Variants in DNHD1 observed in about 807,000 individuals in gnomAD.
DNHD1 encodes the protein dynein heavy chain domain-containing protein 1.
In DNHD1, 383 loss-of-function variants were observed where a neutral mutation model predicts 458.1. The ratio of observed to expected loss-of-function variants is 0.84; its 90% CI spans 0.77 to 0.91. The LOEUF is 0.91. Ranked by LOEUF, DNHD1 falls within the 40% of genes least tolerant of loss-of-function variation. The pLI is 0.00. For synonymous variants in DNHD1, 2,203 were observed against 2,376.9 expected, an observed-to-expected ratio of 0.93 and a Z score of 2.13; for missense variants, 5,336 against 5,866.1, an observed-to-expected ratio of 0.91 and a Z score of 2.95.
At position 6,565,901 on chromosome 11, in the gene DNHD1, G is replaced by A; in HGVS notation, c.10963G>A (p.Glu3655Lys). The A allele has an allele frequency of 2.6e-6, 4 of 1,551,680 alleles. No homozygotes were observed. The highest frequency in any genetic ancestry group is 3.5e-6 in the Non-Finnish European group (4 of 1,146,984). The part of the protein sequence containing the change: ...TESQGSKPAY[E>K]TQLPSLPYLS... ...GAGCCAGGGGTCAAAGCCAGCCTAT[G>A]AGACTCAGCTTCCATCCCTTCCCTA... The change falls in exon 33 of 43, where the codon GAG (glutamate) becomes AAG (lysine). Residue 3655 changes from glutamate to lysine, a missense_variant. Transcript: ENST00000254579.
At position 6,556,971 on chromosome 11, in the gene DNHD1, T is replaced by C. The variant is rs1260475678; in HGVS notation, c.7676T>C (p.Leu2559Pro). ...CCTTCTGTGGAACGGGAGCGTGCTC[T>C]GGCACGAGGTCTGGTTAGGGCCTCA... Reference protein sequence around the residue: ...RFPSVERERALARGLVRASVE... With the variant: ...RFPSVERERAPARGLVRASVE... Residue 2559 changes from leucine (L) to proline (P), a missense_variant, in exon 25 of 43, where the codon CTG (leucine) becomes CCG (proline). Around this residue, in one of 4 missense-constraint regions of DNHD1, gnomAD observed 3,932 missense variants for 4,365.6 expected, o/e 0.90. Transcript: ENST00000254579. The C allele has an allele frequency of 6.4e-7, 1 of 1,551,640 alleles. No individual in the cohort carries two copies. Among genetic ancestry groups the C allele is most frequent in the Non-Finnish European group, 8.7e-7 (1 of 1,147,014 alleles).
At position 6,570,027 on chromosome 11, in the gene DNHD1, C is replaced by A. The variant is rs1172650492; in HGVS notation, c.12882C>A (p.Thr4294=). Reference sequence around the variant, plus strand: ...TCTCTAGGAGTCAAGTGACTCTAACCCAGGTTCTTCAGACCCAAGACCAGC... The same window carrying A: ...TCTCTAGGAGTCAAGTGACTCTAACACAGGTTCTTCAGACCCAAGACCAGC... ...HRGRWSQVTL[T]QVLQTQDQLW... Residue 4294 remains threonine (T), a synonymous_variant, in exon 40 of 43, where the codon ACC becomes ACA. Coordinates refer to ENST00000254579, the MANE Select transcript of DNHD1 (RefSeq NM_144666.3). 1 of 1,613,934 alleles carries A rather than the reference C, an allele frequency of 6.2e-7. No individual in the cohort carries two copies. The highest frequency in any genetic ancestry group is 8.5e-7 in the Non-Finnish European group (1 of 1,179,846).
rs1487249225 is a variant in DNHD1 at position 6,563,821 on chromosome 11, A to AGCCTGGCT, written c.9982_9989dup (p.Trp3331ProfsTer85). ...TGAGCCGACCTGCAGCCAGCCTGGC[A>AGCCTGGCT]GCCTGGCTCTGGGCTGTTCTGCACT... On this transcript the variant is annotated frameshift_variant, in exon 31 of 43. Transcript: ENST00000254579. LOFTEE classifies it high-confidence loss of function. The AGCCTGGCT allele has an allele frequency of 4.5e-6, 7 of 1,551,582 alleles. No individual in the cohort carries two copies. Among genetic ancestry groups the AGCCTGGCT allele is most frequent in the African/African-American group, 4.1e-5 (3 of 73,072 alleles).
Position 6,557,113 on chromosome 11 carries a change from C to T in DNHD1, c.7818C>T (p.Asn2606=), listed in dbSNP as rs200346079. Reference sequence around the variant, plus strand: ...TGAGCAGCCTGCAGCTGCTGCCCAACAGAACAGGCTCCCGAGGTTTTGTGG... The same window carrying T: ...TGAGCAGCCTGCAGCTGCTGCCCAATAGAACAGGCTCCCGAGGTTTTGTGG... ...HLLSSLQLLP[N]RTGSRGFVDY... is the part of the protein sequence containing the mutation. Residue 2606 remains asparagine, a synonymous_variant, in exon 25 of 43, where the codon AAC becomes AAT. Coordinates refer to ENST00000254579, the MANE Select transcript of DNHD1 (RefSeq NM_144666.3). The T allele has an allele frequency of 1.2e-3, 1,920 of 1,551,766 alleles. 3 individuals carry two copies. The highest frequency in any genetic ancestry group is 1.5e-3 in the Non-Finnish European group (1,755 of 1,147,008).
At chr11:6,563,259 A>G (rs1226841135) in intron 29 of DNHD1, 123 bp from the exon 30 acceptor site, 2 of 1,509,976 alleles carry the variant, frequency 1.3e-6, no homozygotes, top group South Asian at 2.4e-5. Context: ...GACAAAGGTA[A>G]TAGGATGGCT....
intron 18 of DNHD1, 112 bp downstream of exon 18, chr11:6,540,195 A>C (rs768812316): frequency 1.1e-6 from 1 of 898,826 alleles, no homozygotes; most frequent in Non-Finnish European, 1.7e-6. Flanking sequence ...CCCCATCCTT[A>C]CTAGACAGCC....
intron 24 of DNHD1, among the ~76,000 whole-genome samples, chr11:6,551,032 C>A (rs1376485871): frequency 6.6e-6 from 1 of 152,172 alleles, no homozygotes; most frequent in East Asian, 1.9e-4. Context: ...TTATACTCAC[C>A]AACTGCAAAA....
At chr11:6,554,753 A>G (rs1853426277) in intron 24 of DNHD1, among the ~76,000 whole-genome samples, 1 of 152,222 alleles carries the variant, frequency 6.6e-6, no homozygotes, top group Admixed American at 6.5e-5. Flanking sequence ...TGACAATAAT[A>G]AGTGTTTTCA....
At position 6,559,032 on chromosome 11, in the gene DNHD1, C is replaced by A. The variant is rs1051097919; in HGVS notation, c.9342C>A (p.Thr3114=). 25 of 1,551,612 alleles carry A rather than the reference C, an allele frequency of 1.6e-5. No individual in the cohort carries two copies. In the Admixed American group the frequency reaches 4.9e-4, roughly 30 times the overall value. Residue 3114 remains threonine, a synonymous_variant, in exon 27 of 43, where the codon ACC becomes ACA. Coordinates refer to ENST00000254579, the MANE Select transcript of DNHD1 (RefSeq NM_144666.3). ...CPALPLVTPK[T]FLDFLDTFLM... ...CATTGCCACTCGTCACCCCCAAGAC[C>A]TTCCTAGACTTCCTGGACACTTTCC...
At chr11:6,547,773 T>C in intron 21 of DNHD1, 90 bp from the exon 22 acceptor site, 1 of 1,505,494 alleles carries the variant, frequency 6.6e-7, no homozygotes, top group Non-Finnish European at 9.0e-7. Flanking sequence ...GGGCCAGGAG[T>C]GAAAAGTAAT....
At chr11:6,520,636 A>T in intron 10 of DNHD1, 2 of 1,120,598 alleles carry the variant, frequency 1.8e-6, no homozygotes, top group Non-Finnish European at 2.2e-6. Context: ...TTGCTAAGTA[A>T]ATTTGTACTT....
intron 28 of DNHD1, among the ~76,000 whole-genome samples, chr11:6,561,331 G>A (rs1233010679): frequency 6.6e-6 from 1 of 152,172 alleles, no homozygotes; most frequent in Non-Finnish European, 1.5e-5. Context: ...AGGAGTCTGA[G>A]GTGGGAGGAT....
Position 6,566,580 on chromosome 11 carries a change from C to T in DNHD1, c.11207-7C>T. ...AAGAGGTTAAGCATCTCCCATGTTA[C>T]CCCAAGTGCTAGGTTGTGAACTGCT... On this transcript the variant is annotated splice_region_variant and splice_polypyrimidine_tract_variant and intron_variant, in intron 34 of 42. Transcript: ENST00000254579. 2 of 1,613,112 alleles carry T rather than the reference C, an allele frequency of 1.2e-6. No individual in the cohort carries two copies. Among genetic ancestry groups the T allele is most frequent in the Non-Finnish European group, 1.7e-6 (2 of 1,179,680 alleles).
intron 10 of DNHD1, among the ~76,000 whole-genome samples, chr11:6,524,396 C>A (rs1852666488): frequency 6.6e-6 from 1 of 152,184 alleles, no homozygotes; most frequent in Admixed American, 6.5e-5. Context: ...AGTTCCTCTG[C>A]CCTGATTCCT....
rs1853059866 is a variant in DNHD1 at position 6,539,939 on chromosome 11, T to C, written c.3484T>C (p.Trp1162Arg). The C allele has an allele frequency of 1.3e-6, 2 of 1,551,732 alleles. No homozygotes were observed. The highest frequency in any genetic ancestry group is 1.7e-4 in the Middle Eastern group (1 of 5,992). Reference sequence around the variant, plus strand: ...GACTATACGGCGGTTGCAGCGGTACTGGGAAGCGCGCCAGCTGCGCCTGCT... The same window carrying C: ...GACTATACGGCGGTTGCAGCGGTACCGGGAAGCGCGCCAGCTGCGCCTGCT... ...QETIRRLQRY[W>R]EARQLRLLNF... Residue 1162 changes from tryptophan to arginine, a missense_variant, in exon 18 of 43, where the codon TGG (tryptophan) becomes CGG (arginine). Physicochemically the swap from Trp to Arg is moderately radical, Grantham distance 101. This residue lies in a region of DNHD1 where 3,932 missense variants were observed against 4,365.6 expected (regional missense o/e 0.90). Coordinates refer to ENST00000254579, the MANE Select transcript of DNHD1 (RefSeq NM_144666.3).
chr11:6,536,200 G>A (rs1852944909), intron 14 of DNHD1, among the ~76,000 whole-genome samples: 2 of 152,244 alleles, frequency 1.3e-5, no homozygotes, highest in East Asian at 3.9e-4. Context: ...AGAAAGAAAG[G>A]CTATGGAAAT....
chr11:6,550,691 C>G (rs1375607127), intron 24 of DNHD1, among the ~76,000 whole-genome samples: 1 of 152,064 alleles, frequency 6.6e-6, no homozygotes, highest in Non-Finnish European at 1.5e-5. Flanking sequence ...AAAATATTTA[C>G]TACAGAAATA....
chr11:6,567,519 G>A lies in DNHD1; in HGVS notation c.12010G>A (p.Ala4004Thr), dbSNP rs1236939630. 14 of 1,613,386 alleles carry A rather than the reference G, an allele frequency of 8.7e-6. No individual in the cohort carries two copies. Among genetic ancestry groups the A allele is most frequent in the Non-Finnish European group, 1.1e-5 (13 of 1,179,682 alleles). The part of the protein sequence containing the change: ...ELLPPFVGLC[A>T]SLAGHSSAWQ... Reference sequence around the variant, plus strand: ...GCTGCCCCCATTTGTTGGCCTGTGTGCCTCCCTGGCAGGCCACTCCAGTGC... The same window carrying A: ...GCTGCCCCCATTTGTTGGCCTGTGTACCTCCCTGGCAGGCCACTCCAGTGC... The change falls in exon 36 of 43, where the codon GCC becomes ACC. Residue 4004 changes from alanine (A) to threonine (T), a missense_variant. By Grantham distance (58) the Ala-to-Thr change is moderately conservative. Coordinates refer to ENST00000254579, the MANE Select transcript of DNHD1 (RefSeq NM_144666.3).
In DNHD1 at chr11:6,505,649, G is replaced by T. The variant is rs544426311; in HGVS notation, c.920+2723G>T. Among the ~76,000 whole-genome samples the T allele has an allele frequency of 9.2e-5, 14 of 152,266 alleles. No individual in the cohort carries two copies. The East Asian group carries it at 2.5e-3, about 27-fold the overall frequency. ...TTACTGACTGGACCCTGACTAACAC[G>T]GTACTTGGTATTATGAGTGGTCCCA... On this transcript the variant is annotated intron_variant, in intron 4 of 42. Transcript: ENST00000254579. This position sits in a 1 kb window ranked among gnomAD's most constrained non-coding sequence, Gnocchi z 4.4.
Sources: gnomAD v4.1 joint callset for allele counts (sites outside exome capture counted in the v4.1 genomes callset) on GRCh38, gnomAD v4.1.1 for gene constraint, gnomAD v4.1.1 regional missense constraint, Gnocchi (gnomAD v3.1) non-coding constraint, MANE v1.5 for transcripts, NCBI Gene and HGNC (gene_info 2026-07-23, HGNC 2026-07-21) for gene names.